The following RAB6A variants were observed in gnomAD, a reference collection of about 807,000 sequenced individuals.
RAB6A encodes RAB6A, member RAS oncogene family, also known as ras-related protein Rab-6A.
A neutral mutation model predicts 32.3 loss-of-function variants in RAB6A; 8 were observed. The observed-to-expected ratio is 0.25, with a 90% confidence interval of 0.15 to 0.45. The LOEUF is 0.45. RAB6A is among the 20% of genes least tolerant of loss of function. The probability of loss-of-function intolerance (pLI) is 1.00; values close to 1 mark genes in which losing one functional copy is unlikely to be tolerated. For synonymous variants in RAB6A, 73 were observed against 82.1 expected (o/e 0.89, Z 0.60); for missense variants, 104 against 249.4 (o/e 0.42, Z 3.93).
intron 5 of RAB6A, among the ~76,000 whole-genome samples, chr11:73,708,459 G>A (rs755698399): frequency 3.3e-5 from 5 of 152,112 alleles, no homozygotes; most frequent in Admixed American, 6.5e-5. Context: ...GTGAGCCACC[G>A]TGCCCAGCCG....
intron 6 of RAB6A, among the ~76,000 whole-genome samples, chr11:73,699,749 C>T (rs1284173296): frequency 6.6e-6 from 1 of 152,116 alleles, no homozygotes; most frequent in African/African-American, 2.4e-5. Flanking sequence ...TCCAAAGTAC[C>T]TACAGTGGTC....
intron 6 of RAB6A, among the ~76,000 whole-genome samples, chr11:73,693,291 A>AAAAT (rs3046617): frequency 0.1 from 15,370 of 150,962 alleles, 855 homozygotes; most frequent in African/African-American, 0.14. Context: ...CCGTCTCCAA[A>AAAAT]AAATAAATAA....
At chr11:73,746,245 T>C (rs749487338) in intron 1 of RAB6A, among the ~76,000 whole-genome samples, 1 of 152,176 alleles carries the variant, frequency 6.6e-6, no homozygotes, top group Non-Finnish European at 1.5e-5. Flanking sequence ...AAATAACTTT[T>C]GTAAGAATGA....
At chr11:73,694,895 A>G (rs1302419694) in intron 6 of RAB6A, among the ~76,000 whole-genome samples, 2 of 152,184 alleles carry the variant, frequency 1.3e-5, no homozygotes, top group Non-Finnish European at 2.9e-5. Context: ...ACACGCGTGC[A>G]ATCCCAGCTA....
At chr11:73,716,846 T>C (rs565884347) in intron 4 of RAB6A, among the ~76,000 whole-genome samples, 2 of 152,364 alleles carry the variant, frequency 1.3e-5, no homozygotes, top group East Asian at 3.9e-4. Context: ...CTTCCTCAGT[T>C]TGTGATCACT....
At chr11:73,687,119 C>T (rs1945471002) in intron 6 of RAB6A, among the ~76,000 whole-genome samples, 1 of 152,040 alleles carries the variant, frequency 6.6e-6, no homozygotes, top group Non-Finnish European at 1.5e-5. Context: ...TGAAACAAGT[C>T]ACACACAAAG....
intron 2 of RAB6A, among the ~76,000 whole-genome samples, chr11:73,729,152 G>A (rs574529715): frequency 7.9e-5 from 12 of 152,124 alleles, no homozygotes; most frequent in Non-Finnish European, 1.5e-4. Context: ...AGGCTGGAAT[G>A]CAGTGGTATG....
intron 6 of RAB6A, among the ~76,000 whole-genome samples, chr11:73,685,315 G>C (rs1945427886): frequency 7.2e-6 from 1 of 139,664 alleles, no homozygotes; most frequent in Admixed American, 7.3e-5. Context: ...TTGAGACGGA[G>C]TCTCGCTCTG....
intron 1 of RAB6A, among the ~76,000 whole-genome samples, chr11:73,752,380 C>T (rs940389067): frequency 2.0e-5 from 3 of 152,044 alleles, no homozygotes; most frequent in Non-Finnish European, 2.9e-5. Flanking sequence ...CGTTTGAACC[C>T]GGGAGGTAGA....
chr11:73,691,831 G>C (rs377218776), intron 6 of RAB6A, among the ~76,000 whole-genome samples: 10 of 152,222 alleles, frequency 6.6e-5, no homozygotes, highest in African/African-American at 2.4e-4. Flanking sequence ...AAATTAGCTG[G>C]GCATGGTGGC....
At chr11:73,758,694 G>A (rs182765298) in intron 1 of RAB6A, among the ~76,000 whole-genome samples, 74 of 152,332 alleles carry the variant, frequency 4.9e-4, no homozygotes, top group African/African-American at 1.8e-3. Flanking sequence ...TAGGCAGGAA[G>A]ATGAATAGGT....
intron 5 of RAB6A, among the ~76,000 whole-genome samples, chr11:73,712,214 G>A (rs1316384386): frequency 1.3e-5 from 2 of 152,076 alleles, no homozygotes; most frequent in South Asian, 2.1e-4. Context: ...AGTGTAATAT[G>A]AGAACTTGAT....
chr11:73,718,945 G>C, intron 3 of RAB6A: 1 of 1,443,520 alleles, frequency 6.9e-7, no homozygotes, highest in Non-Finnish European at 9.4e-7. Context: ...ATACTAAAAA[G>C]AAAAAAGAAA....
At chr11:73,742,084 C>T (rs188858169) in intron 1 of RAB6A, among the ~76,000 whole-genome samples, 266 of 152,064 alleles carry the variant, frequency 1.7e-3, no homozygotes, top group Non-Finnish European at 2.5e-3. Context: ...AGGTTCACGA[C>T]CAGCCTGGTC....
At chr11:73,683,753 A>G (rs1353712484) in intron 6 of RAB6A, among the ~76,000 whole-genome samples, 2 of 151,908 alleles carry the variant, frequency 1.3e-5, no homozygotes, top group Non-Finnish European at 2.9e-5. Context: ...GGGTTTCACC[A>G]TGTTGGCCGG....
intron 7 of RAB6A, among the ~76,000 whole-genome samples, chr11:73,679,180 T>C (rs960746188): frequency 1.1e-4 from 17 of 152,220 alleles, no homozygotes; most frequent in African/African-American, 3.9e-4. Context: ...TAAAAATCCT[T>C]AGAATTAACT....
At chr11:73,760,068 C>G in intron 1 of RAB6A, 14 of 1,289,812 alleles carry the variant, frequency 1.1e-5, no homozygotes, top group Admixed American at 2.3e-5. Flanking sequence ...ATCAGCACTT[C>G]GCAGGGCCAA....
intron 6 of RAB6A, among the ~76,000 whole-genome samples, chr11:73,690,118 A>G (rs1046569596): frequency 2.0e-5 from 3 of 152,240 alleles, no homozygotes; most frequent in African/African-American, 7.2e-5. Flanking sequence ...ATACAAGCCC[A>G]GAAAGAAACT....
At chr11:73,686,485 C>T (rs989090913) in intron 6 of RAB6A, among the ~76,000 whole-genome samples, 3 of 151,984 alleles carry the variant, frequency 2.0e-5, no homozygotes, top group Admixed American at 1.3e-4. Flanking sequence ...ACCCGGGAGG[C>T]GGGGGTTGCA....
Sources: allele counts gnomAD v4.1 joint callset (sites outside exome capture counted in the v4.1 genomes callset), GRCh38; gene constraint gnomAD v4.1.1; transcripts MANE v1.5; gene names NCBI Gene and HGNC (gene_info 2026-07-23, HGNC 2026-07-21).